The following CTNNA1 variants were observed in gnomAD, a reference collection of about 807,000 sequenced individuals.
The protein encoded by CTNNA1 is catenin alpha-1.
CTNNA1 carries 37 observed loss-of-function variants against 98.4 expected under a neutral mutation model. That is an observed-to-expected ratio of 0.38 (90% confidence interval 0.29 to 0.49). The LOEUF is 0.49. Ranked by LOEUF, CTNNA1 falls within the 20% of genes least tolerant of loss-of-function variation. The pLI is 0.95. For missense variants in CTNNA1, 761 were observed against 1,147.2 expected, an observed-to-expected ratio of 0.66 and a Z score of 4.86; for synonymous variants, 404 against 413.2, an observed-to-expected ratio of 0.98 and a Z score of 0.27.
At position 138,934,074 on chromosome 5, in the gene CTNNA1, T is replaced by C. The variant is rs1766027028; in HGVS notation, c.2706T>C (p.Ala902=). 6.2e-7 allele frequency: 1 copy of C among 1,612,486 alleles called. No individual in the cohort carries two copies. The highest frequency in any genetic ancestry group is 8.5e-7 in the Non-Finnish European group (1 of 1,179,804). ...TGCAGGCCCTCAGCGAGTTCAAAGC[T>C]ATGGACAGCATCTAAGTCTGCCCAG... ...NPVQALSEFK[A]MDSI is the part of the protein sequence containing the mutation. The change falls in exon 18 of 18, where the codon GCT becomes GCC. Residue 902 remains alanine (A), a synonymous_variant. Transcript: ENST00000302763.
chr5:138,881,270 T>C (rs1449570378), intron 7 of CTNNA1: 2 of 347,294 alleles, frequency 5.8e-6, no homozygotes, highest in Non-Finnish European at 1.2e-5. Flanking sequence ...TACAGGACTA[T>C]ATAATCATTG....
chr5:138,904,252 A>G, intron 9 of CTNNA1, 97 bp from the exon 10 acceptor site: 5 of 1,412,586 alleles, frequency 3.5e-6, no homozygotes, highest in South Asian at 1.6e-5. Flanking sequence ...TGCCCTTGTC[A>G]TCTGTTCCAG....
intron 3 of CTNNA1, among the ~76,000 whole-genome samples, chr5:138,803,836 A>G (rs1191836188): frequency 1.3e-5 from 2 of 151,924 alleles, no homozygotes; most frequent in African/African-American, 2.4e-5. Flanking sequence ...TTTCTCTCCC[A>G]CTAGAATGTA....
intron 7 of CTNNA1, among the ~76,000 whole-genome samples, chr5:138,878,391 C>CT (rs774116722): frequency 8.5e-5 from 13 of 152,188 alleles, no homozygotes; most frequent in Non-Finnish European, 1.8e-4. Flanking sequence ...TTTTTCTAAA[C>CT]TTTCTCTTGG....
In CTNNA1 at chr5:138,874,638, C is replaced by G. The variant is rs1751098938; in HGVS notation, c.1063-11574C>G. On this transcript the variant is annotated intron_variant, in intron 7 of 17. Transcript: ENST00000302763. This position sits in a 1 kb window ranked among gnomAD's most constrained non-coding sequence, Gnocchi z 4.1. ...TGGGCTATTTAAAAAAAACAACCAC[C>G]ACCAACATTATAGCAAAAGATTTCA... 3.4e-6 allele frequency: 3 copies of G among 879,884 alleles called. No homozygotes were observed. Among genetic ancestry groups the G allele is most frequent in the Non-Finnish European group, 5.1e-6 (3 of 588,324 alleles). 54.5% of individuals were successfully genotyped at this position (879,884 alleles called of 1,614,324 possible). A position where few individuals can be genotyped will look rare whatever the true frequency, so the allele number is the denominator to read the frequency against.
intron 7 of CTNNA1, among the ~76,000 whole-genome samples, chr5:138,830,781 T>C (rs576089972): frequency 1.3e-5 from 2 of 152,288 alleles, no homozygotes; most frequent in East Asian, 3.9e-4. Context: ...GATCCCTCCC[T>C]TCTGGAACAG....
intron 10 of CTNNA1, among the ~76,000 whole-genome samples, chr5:138,909,872 G>A (rs1760163026): frequency 1.3e-5 from 2 of 152,176 alleles, no homozygotes; most frequent in African/African-American, 2.4e-5. Flanking sequence ...CCTTAAAGGA[G>A]CACCCCATAC....
chr5:138,878,376 A>G (rs1173226058), intron 7 of CTNNA1, among the ~76,000 whole-genome samples: 2 of 152,206 alleles, frequency 1.3e-5, no homozygotes, highest in East Asian at 1.9e-4. Context: ...AGGGCTACAT[A>G]TCTATTTTTC....
intron 7 of CTNNA1, among the ~76,000 whole-genome samples, chr5:138,852,863 G>GTGCGCGCACGCGCACACACACA (rs1554089791): frequency 2.1e-5 from 3 of 144,478 alleles, no homozygotes; most frequent in Non-Finnish European, 3.1e-5. Context: ...CTCTTTTCGC[G>GTGCGCGCACGCGCACACACACA]CGCGCGCGCA....
At chr5:138,765,930 A>G (rs934506466) in intron 1 of CTNNA1, among the ~76,000 whole-genome samples, 20 of 137,000 alleles carry the variant, frequency 1.5e-4, no homozygotes, top group African/African-American at 5.3e-4. Flanking sequence ...GCCTGGCGAT[A>G]GAGTGAGACT....
chr5:138,933,724 C>T (rs1373222632), intron 17 of CTNNA1, 78 bp from the exon 18 acceptor site: 7 of 1,477,044 alleles, frequency 4.7e-6, no homozygotes, highest in Non-Finnish European at 6.4e-6. Flanking sequence ...AGGGGGCTCC[C>T]CTTCAAGCAC....
chr5:138,813,588 C>CT (rs761856938), intron 5 of CTNNA1, among the ~76,000 whole-genome samples: 24 of 152,104 alleles, frequency 1.6e-4, no homozygotes, highest in Admixed American at 6.6e-4. Context: ...CTGCTATAGA[C>CT]TTTTTTCATT....
intron 7 of CTNNA1, among the ~76,000 whole-genome samples, chr5:138,831,417 G>A (rs1459702254): frequency 6.6e-6 from 1 of 152,142 alleles, no homozygotes; most frequent in South Asian, 2.1e-4. Flanking sequence ...AGTTTATTCT[G>A]TTTGTCCCTT....
intron 14 of CTNNA1, 118 bp from the exon 15 acceptor site, chr5:138,930,355 C>A: frequency 4.1e-6 from 3 of 733,002 alleles, no homozygotes; most frequent in South Asian, 4.0e-5. Context: ...GAAATGAAAC[C>A]TATTAAAGCA....
chr5:138,854,417 C>T (rs925113462), intron 7 of CTNNA1, among the ~76,000 whole-genome samples: 2 of 152,280 alleles, frequency 1.3e-5, no homozygotes, highest in Admixed American at 1.3e-4. Flanking sequence ...GGGCCATTTG[C>T]CTCCATTTCC....
chr5:138,770,101 C>T (rs927787407), intron 1 of CTNNA1, among the ~76,000 whole-genome samples: 5 of 152,182 alleles, frequency 3.3e-5, no homozygotes, highest in African/African-American at 1.2e-4. Context: ...TCCCAAAGTG[C>T]TGGGATTACA....
chr5:138,903,400 C>G (rs545559151), intron 9 of CTNNA1, among the ~76,000 whole-genome samples: 2 of 152,280 alleles, frequency 1.3e-5, no homozygotes, highest in South Asian at 4.1e-4. Flanking sequence ...ATTCAACTGC[C>G]TACGCCTTTA....
chr5:138,859,675 G>A (rs1003129738), intron 7 of CTNNA1, among the ~76,000 whole-genome samples: 4 of 152,154 alleles, frequency 2.6e-5, no homozygotes, highest in Non-Finnish European at 4.4e-5. Context: ...TGTAATCCCA[G>A]CACTTTAGGG....
chr5:138,915,227 C>G (rs1020733788), intron 10 of CTNNA1, among the ~76,000 whole-genome samples: 4 of 152,104 alleles, frequency 2.6e-5, no homozygotes, highest in Admixed American at 2.6e-4. Flanking sequence ...TACTAATTAT[C>G]CTCTCAGCGC....
Sources: gnomAD v4.1 joint callset for allele counts (sites outside exome capture counted in the v4.1 genomes callset) on GRCh38, gnomAD v4.1.1 for gene constraint, Gnocchi (gnomAD v3.1) non-coding constraint, MANE v1.5 for transcripts, NCBI Gene and HGNC (gene_info 2026-07-23, HGNC 2026-07-21) for gene names.